The following CRIM1 variants were observed in gnomAD, a reference collection of about 807,000 sequenced individuals.
The protein encoded by CRIM1 is cysteine rich transmembrane BMP regulator 1, also known as cysteine-rich motor neuron 1 protein.
A neutral mutation model predicts 116.4 loss-of-function variants in CRIM1; 32 were observed. That is an observed-to-expected ratio of 0.27 (90% confidence interval 0.21 to 0.37). The LOEUF is 0.37. CRIM1 is among the 10% of genes least tolerant of loss of function. The pLI, the probability that CRIM1 is intolerant of heterozygous loss-of-function variation, is 1.00. For missense variants in CRIM1, 1,331 were observed against 1,354.8 expected, an observed-to-expected ratio of 0.98 and a Z score of 0.28; for synonymous variants, 590 against 509.2, an observed-to-expected ratio of 1.16 and a Z score of -2.13.
intron 1 of CRIM1, among the ~76,000 whole-genome samples, chr2:36,383,927 C>T (rs1439326182): frequency 6.6e-6 from 1 of 152,176 alleles, no homozygotes; most frequent in Non-Finnish European, 1.5e-5. Context: ...ATGTGCTGAG[C>T]CCTGTTCCAG....
chr2:36,500,584 C>T (rs891081859), intron 8 of CRIM1, among the ~76,000 whole-genome samples: 1 of 152,078 alleles, frequency 6.6e-6, no homozygotes, highest in South Asian at 2.1e-4. Flanking sequence ...CATTTTAAAC[C>T]ATTTTCTAAC....
intron 2 of CRIM1, among the ~76,000 whole-genome samples, chr2:36,399,278 A>G (rs1198969048): frequency 6.6e-6 from 1 of 152,244 alleles, no homozygotes; most frequent in Non-Finnish European, 1.5e-5. Flanking sequence ...TGAAGTCAAC[A>G]TTAGGCAGAC....
chr2:36,402,854 C>G (rs1672521922), intron 2 of CRIM1, among the ~76,000 whole-genome samples: 2 of 151,716 alleles, frequency 1.3e-5, no homozygotes, highest in Admixed American at 6.6e-5. Flanking sequence ...AGAGGGAGGA[C>G]CAGATTTAGG....
chr2:36,447,677 C>T (rs188630580), intron 4 of CRIM1, among the ~76,000 whole-genome samples: 75 of 152,248 alleles, frequency 4.9e-4, no homozygotes, highest in East Asian at 4.4e-3. Flanking sequence ...AAAGGAAGTC[C>T]CAGGTCAAGC....
chr2:36,403,031 A>G (rs1218050531), intron 2 of CRIM1, among the ~76,000 whole-genome samples: 1 of 152,214 alleles, frequency 6.6e-6, no homozygotes, highest in African/African-American at 2.4e-5. Context: ...AAATCTCTCC[A>G]GAAAAAGTTA....
rs577715040 is a variant in CRIM1, at chr2:36,488,208, A to G, written c.1372+8514A>G. Among the ~76,000 whole-genome samples, 3 of 152,244 alleles carry G rather than the reference A, an allele frequency of 2.0e-5. No homozygotes were observed. The East Asian group carries it at 5.8e-4, about 29-fold the overall frequency. On this transcript the variant is annotated intron_variant, in intron 7 of 16. Transcript: ENST00000280527. ...TTGTATCTATCTGATTATTGAAGAT[A>G]CAGTGTCACACAAGCATATAAACCA...
intron 7 of CRIM1, among the ~76,000 whole-genome samples, chr2:36,481,652 C>T (rs1383756803): frequency 6.6e-6 from 1 of 152,208 alleles, no homozygotes; most frequent in Non-Finnish European, 1.5e-5. Context: ...CAGAGCAACA[C>T]TGCTGAAGCC....
chr2:36,357,649 G>T (rs773985615), intron 1 of CRIM1, among the ~76,000 whole-genome samples: 3 of 152,186 alleles, frequency 2.0e-5, no homozygotes, highest in Non-Finnish European at 4.4e-5. Flanking sequence ...GTAAGCATCA[G>T]TTAAAAGTGG....
chr2:36,479,756 A>T, intron 7 of CRIM1, 62 bp downstream of exon 7: 1 of 1,500,276 alleles, frequency 6.7e-7, no homozygotes, highest in African/African-American at 1.4e-5. Flanking sequence ...AGCTTCTACC[A>T]GCGTACGTTC....
chr2:36,518,403 T>A (rs1442559837), intron 12 of CRIM1, among the ~76,000 whole-genome samples: 1 of 152,250 alleles, frequency 6.6e-6, no homozygotes, highest in African/African-American at 2.4e-5. Context: ...ACATAAACCC[T>A]TGTATTTTAT....
Position 36,496,474 on chromosome 2 carries a change from G to A in CRIM1, c.1373-2745G>A, listed in dbSNP as rs548106209. On this transcript the variant is annotated intron_variant, in intron 7 of 16. Transcript: ENST00000280527. ...ATCTAATATAGGTCATAAGTGAATG[G>A]GAAAATACTAATTTCAGAGGCACAA... Among the ~76,000 whole-genome samples, 7 of 152,218 alleles carry A rather than the reference G, an allele frequency of 4.6e-5. No homozygotes were observed. The South Asian group carries it at 1.5e-3, about 32-fold the overall frequency.
chr2:36,362,471 C>T (rs1407208830), intron 1 of CRIM1, among the ~76,000 whole-genome samples: 1 of 152,180 alleles, frequency 6.6e-6, no homozygotes, highest in Admixed American at 6.5e-5. Flanking sequence ...GCTTTAGTAG[C>T]TGTGCTTCAA....
intron 2 of CRIM1, among the ~76,000 whole-genome samples, chr2:36,426,376 A>C (rs1186252939): frequency 1.3e-5 from 2 of 152,222 alleles, no homozygotes; most frequent in Admixed American, 1.3e-4. Context: ...AGATGTCTCA[A>C]GTCTCTTATT....
chr2:36,378,823 T>G (rs988554305), intron 1 of CRIM1: 2 of 152,416 alleles, frequency 1.3e-5, no homozygotes, highest in African/African-American at 4.9e-5. Flanking sequence ...TTTTTTTTTT[T>G]TTTGAGACGG....
chr2:36,514,717 G>C (rs1664922685), intron 11 of CRIM1, among the ~76,000 whole-genome samples: 1 of 131,144 alleles, frequency 7.6e-6, no homozygotes, highest in Non-Finnish European at 1.7e-5. Context: ...CTGTGCAAAA[G>C]GTGTAGCCGG....
intron 4 of CRIM1, among the ~76,000 whole-genome samples, chr2:36,448,616 G>A (rs1200383911): frequency 4.0e-5 from 4 of 100,236 alleles, no homozygotes; most frequent in African/African-American, 1.7e-4. Flanking sequence ...AATACCCTAC[G>A]CCTTTTGATA....
intron 8 of CRIM1, among the ~76,000 whole-genome samples, chr2:36,507,815 G>GA (rs1436845519): frequency 2.0e-5 from 3 of 152,184 alleles, no homozygotes; most frequent in African/African-American, 7.2e-5. Flanking sequence ...AAGGTCTGTG[G>GA]AAAAACTCCT....
At position 36,410,737 on chromosome 2, in the gene CRIM1, TG is replaced by T. The variant is rs1405483358; in HGVS notation, c.505+13952del. On this transcript the variant is annotated intron_variant, in intron 2 of 16. Transcript: ENST00000280527. ...TTGTTATTTACTCTTCCTGCTGCTT[TG>T]GAAAAAAAAAAAGTCCAATCTGCCT... Among the ~76,000 whole-genome samples the T allele has an allele frequency of 1.4e-4, 21 of 151,792 alleles. No homozygotes were observed. In the South Asian group the frequency reaches 2.9e-3, roughly 21 times the overall value.
intron 4 of CRIM1, among the ~76,000 whole-genome samples, chr2:36,457,552 G>T (rs1053199652): frequency 5.3e-5 from 8 of 152,026 alleles, no homozygotes; most frequent in African/African-American, 1.7e-4. Context: ...AGGAAATCAC[G>T]CAGGAATAAG....
Sources: allele counts gnomAD v4.1 joint callset (sites outside exome capture counted in the v4.1 genomes callset), GRCh38; gene constraint gnomAD v4.1.1; transcripts MANE v1.5; gene names NCBI Gene and HGNC (gene_info 2026-07-23, HGNC 2026-07-21).